PLCL1: variants seen among roughly 807,000 people sequenced by gnomAD.
PLCL1 encodes inactive phospholipase C-like protein 1.
A neutral mutation model predicts 84.4 loss-of-function variants in PLCL1; 41 were observed. The ratio of observed to expected loss-of-function variants is 0.49; its 90% CI spans 0.38 to 0.63. PLCL1 has a LOEUF of 0.63. Among genes scored for constraint, PLCL1 ranks in the 30% least tolerant of loss-of-function variants. The pLI is 0.00. For synonymous variants in PLCL1, 490 were observed against 488.3 expected, an observed-to-expected ratio of 1.00 and a Z score of -0.05; for missense variants, 1,206 against 1,367.8, an observed-to-expected ratio of 0.88 and a Z score of 1.87.
intron 1 of PLCL1, among the ~76,000 whole-genome samples, chr2:197,893,616 G>A (rs955789513): frequency 2.6e-5 from 4 of 152,148 alleles, no homozygotes; most frequent in African/African-American, 9.7e-5. Context: ...ATTTGGCTAA[G>A]GTCAAAAGCA....
chr2:197,840,720 C>A (rs1686980446), intron 1 of PLCL1, among the ~76,000 whole-genome samples: 1 of 152,136 alleles, frequency 6.6e-6, no homozygotes, highest in Non-Finnish European at 1.5e-5. Context: ...CTGGGTGCAA[C>A]TCTTAAGCTG....
At chr2:197,955,771 CT>C (rs942137192) in intron 1 of PLCL1, among the ~76,000 whole-genome samples, 1 of 151,428 alleles carries the variant, frequency 6.6e-6, no homozygotes, top group Non-Finnish European at 1.5e-5. Flanking sequence ...ACCACATTTT[CT>C]TTTTTTTCCT....
chr2:198,038,596 G>T (rs936383307), intron 1 of PLCL1, among the ~76,000 whole-genome samples: 1 of 152,004 alleles, frequency 6.6e-6, no homozygotes, highest in Non-Finnish European at 1.5e-5. Context: ...CAAGGTTAAG[G>T]TTATGTTGTT....
intron 1 of PLCL1, among the ~76,000 whole-genome samples, chr2:197,849,185 G>C (rs1217527015): frequency 6.6e-6 from 1 of 152,112 alleles, no homozygotes; most frequent in East Asian, 1.9e-4. Context: ...TAAATGCAAG[G>C]AACAGTAGGT....
chr2:198,001,874 G>A (rs1314575582), intron 1 of PLCL1: 9 of 323,286 alleles, frequency 2.8e-5, no homozygotes, highest in Non-Finnish European at 5.0e-5. Context: ...TGAACTGTGC[G>A]TGTGAGGGAT....
At chr2:198,057,380 C>CT (rs1395619743) in intron 1 of PLCL1, among the ~76,000 whole-genome samples, 6 of 151,928 alleles carry the variant, frequency 3.9e-5, no homozygotes, top group East Asian at 1.9e-4. Context: ...GGATACTAAC[C>CT]TTTTTTTACT....
intron 1 of PLCL1, among the ~76,000 whole-genome samples, chr2:197,983,953 G>A (rs1690169747): frequency 6.6e-6 from 1 of 152,132 alleles, no homozygotes; most frequent in Admixed American, 6.5e-5. Context: ...TGCTTCCCAA[G>A]TTCTTGATTT....
At chr2:197,954,989 G>A (rs1163670158) in intron 1 of PLCL1, among the ~76,000 whole-genome samples, 1 of 151,980 alleles carries the variant, frequency 6.6e-6, no homozygotes, top group Admixed American at 6.6e-5. Flanking sequence ...ATTCCAGAGG[G>A]CATGATATGT....
At chr2:197,906,266 T>C (rs1242100302) in intron 1 of PLCL1, among the ~76,000 whole-genome samples, 1 of 152,198 alleles carries the variant, frequency 6.6e-6, no homozygotes, top group African/African-American at 2.4e-5. Context: ...AGGGGCCCAG[T>C]TTCAGTTTTC....
chr2:197,956,882 C>G (rs188846838), intron 1 of PLCL1, among the ~76,000 whole-genome samples: 5 of 152,202 alleles, frequency 3.3e-5, no homozygotes, highest in African/African-American at 1.2e-4. Flanking sequence ...CCTGTTCACT[C>G]TGATGATAAT....
At chr2:197,904,269 C>T (rs1256205749) in intron 1 of PLCL1, among the ~76,000 whole-genome samples, 1 of 152,162 alleles carries the variant, frequency 6.6e-6, no homozygotes, top group Non-Finnish European at 1.5e-5. Context: ...GTTCTCCTCC[C>T]TAGGCCCTTC....
intron 1 of PLCL1, among the ~76,000 whole-genome samples, chr2:197,886,009 A>G (rs1032903806): frequency 6.6e-6 from 1 of 152,218 alleles, no homozygotes; most frequent in African/African-American, 2.4e-5. Flanking sequence ...TTTGAAGATT[A>G]AATCACAGAG....
chr2:198,049,195 G>T (rs1691872760), intron 1 of PLCL1, among the ~76,000 whole-genome samples: 1 of 152,204 alleles, frequency 6.6e-6, no homozygotes, highest in African/African-American at 2.4e-5. Context: ...AGATTGTTTT[G>T]CTCTGCTCCA....
intron 5 of PLCL1, among the ~76,000 whole-genome samples, chr2:198,115,668 A>G (rs1373619017): frequency 6.6e-6 from 1 of 151,882 alleles, no homozygotes; most frequent in African/African-American, 2.4e-5. Context: ...CAATCATGGC[A>G]GAAGACGGAA....
chr2:198,047,916 C>T (rs758019858), intron 1 of PLCL1, among the ~76,000 whole-genome samples: 4 of 152,164 alleles, frequency 2.6e-5, no homozygotes, highest in Non-Finnish European at 5.9e-5. Flanking sequence ...ACGCTCCTTG[C>T]ATAACTCTTC....
intron 1 of PLCL1, among the ~76,000 whole-genome samples, chr2:197,983,472 A>G (rs1461450193): frequency 6.6e-6 from 1 of 151,632 alleles, no homozygotes; most frequent in Non-Finnish European, 1.5e-5. Flanking sequence ...AGCTCAAGTA[A>G]TCCTCTCGCC....
chr2:197,884,882 T>TAA (rs562511402), intron 1 of PLCL1, among the ~76,000 whole-genome samples: 44 of 146,404 alleles, frequency 3.0e-4, no homozygotes, highest in African/African-American at 1.1e-3. Flanking sequence ...AATGATTTCC[T>TAA]AAAAAAAAAA....
intron 1 of PLCL1, among the ~76,000 whole-genome samples, chr2:197,883,058 G>A (rs946495835): frequency 5.9e-5 from 9 of 152,224 alleles, no homozygotes; most frequent in East Asian, 1.9e-4. Flanking sequence ...AGGTGATGAC[G>A]GGACAGAGCT....
chr2:198,130,198 C>A (rs1010223700), intron 5 of PLCL1, among the ~76,000 whole-genome samples: 2 of 152,144 alleles, frequency 1.3e-5, no homozygotes, highest in South Asian at 2.1e-4. Context: ...TGTGATATTT[C>A]CCAGGCTGAC....
Sources: allele counts gnomAD v4.1 joint callset (sites outside exome capture counted in the v4.1 genomes callset), GRCh38; gene constraint gnomAD v4.1.1; transcripts MANE v1.5; gene names NCBI Gene and HGNC (gene_info 2026-07-23, HGNC 2026-07-21).